The following MCTP1 variants were observed in gnomAD, a reference collection of about 807,000 sequenced individuals.
MCTP1 encodes multiple C2 and transmembrane domain-containing protein 1.
Under a neutral mutation model 120.6 loss-of-function variants are expected in MCTP1, and 69 were observed. The observed-to-expected ratio is 0.57, with a 90% CI of 0.47 to 0.70. The LOEUF is 0.70. Among genes scored for constraint, MCTP1 ranks in the 30% least tolerant of loss-of-function variants. MCTP1 has a pLI of 0.00. For missense variants in MCTP1, 1,203 were observed against 1,248.8 expected (o/e 0.96, Z 0.55); for synonymous variants, 529 against 493.1 (o/e 1.07, Z -0.96).
chr5:94,917,551 T>C (rs926868095), intron 8 of MCTP1, among the ~76,000 whole-genome samples: 2 of 152,204 alleles, frequency 1.3e-5, no homozygotes, highest in Admixed American at 6.5e-5. Context: ...CCCCATGTGA[T>C]TCTCATACAT....
intron 2 of MCTP1, among the ~76,000 whole-genome samples, chr5:94,954,383 A>T (rs1407173711): frequency 6.6e-6 from 1 of 151,718 alleles, no homozygotes; most frequent in Non-Finnish European, 1.5e-5. Context: ...GAATGGAAAA[A>T]TAGACACTGG....
At chr5:94,789,357 G>T (rs1307357371) in intron 18 of MCTP1, 1 of 152,188 alleles carries the variant, frequency 6.6e-6, no homozygotes, top group African/African-American at 2.4e-5. Flanking sequence ...AGAATCTTTA[G>T]TAAATTGACT....
intron 13 of MCTP1, among the ~76,000 whole-genome samples, chr5:94,872,549 C>T (rs927182208): frequency 8.5e-5 from 13 of 152,094 alleles, no homozygotes; most frequent in South Asian, 6.2e-4. Context: ...ATTTCAAAAG[C>T]CCTGTTTAAA....
intron 1 of MCTP1, among the ~76,000 whole-genome samples, chr5:95,138,945 TTCTC>T (rs1759678971): frequency 6.6e-6 from 1 of 152,228 alleles, no homozygotes; most frequent in African/African-American, 2.4e-5. Context: ...TTAGATCTGT[TTCTC>T]TATCTGTATA....
intron 1 of MCTP1, chr5:95,068,956 C>CT (rs11357469): frequency 8.4e-4 from 162 of 193,160 alleles, no homozygotes; most frequent in South Asian, 1.9e-3. Flanking sequence ...GAGCAGGTAT[C>CT]TTTTTTTTTT....
intron 18 of MCTP1, 141 bp downstream of exon 18, chr5:94,798,872 T>G (rs1780614319): frequency 2.7e-6 from 2 of 751,992 alleles, no homozygotes; most frequent in Non-Finnish European, 2.1e-6. Flanking sequence ...GTTGTTAGTT[T>G]TGACCTGATA....
At chr5:94,975,946 G>A (rs1333411453) in intron 2 of MCTP1, among the ~76,000 whole-genome samples, 2 of 152,094 alleles carry the variant, frequency 1.3e-5, no homozygotes, top group African/African-American at 4.8e-5. Flanking sequence ...CAACTCCTGG[G>A]TCATCGAGAA....
At chr5:94,858,323 A>G (rs1561758878) in intron 17 of MCTP1, among the ~76,000 whole-genome samples, 1 of 151,670 alleles carries the variant, frequency 6.6e-6, no homozygotes, top group Non-Finnish European at 1.5e-5. Flanking sequence ...ACATCTCTGC[A>G]GTGTTTTGTG....
At chr5:95,253,844 C>T (rs1757619363) in intron 1 of MCTP1, among the ~76,000 whole-genome samples, 1 of 152,010 alleles carries the variant, frequency 6.6e-6, no homozygotes, top group Non-Finnish European at 1.5e-5. Context: ...ATCCAGTATT[C>T]TAGTAGCAGA....
At position 95,199,410 on chromosome 5, in the gene MCTP1, G is replaced by A. The variant is rs562260107; in HGVS notation, c.720+84446C>T. Among the ~76,000 whole-genome samples, 33 of 152,228 alleles carry A rather than the reference G, an allele frequency of 2.2e-4. No homozygotes were observed. In the East Asian group the frequency reaches 6.2e-3, roughly 28 times the overall value. On this transcript the variant is annotated intron_variant, in intron 1 of 22. Coordinates refer to ENST00000515393, the MANE Select transcript of MCTP1 (RefSeq NM_024717.7). ...AAGAAAACAAACCAATTAAAAAATA[G>A]GCAGAGGATCTGAACAGACATTTCT...
intron 1 of MCTP1, among the ~76,000 whole-genome samples, chr5:95,202,821 G>A (rs1395333081): frequency 6.6e-6 from 1 of 152,036 alleles, no homozygotes; most frequent in East Asian, 1.9e-4. Context: ...ACCGCCTCCT[G>A]GGCTCAAGAG....
chr5:94,945,402 A>C (rs1417850172), intron 3 of MCTP1, among the ~76,000 whole-genome samples: 1 of 152,180 alleles, frequency 6.6e-6, no homozygotes, highest in Non-Finnish European at 1.5e-5. Flanking sequence ...ACAAAATTCA[A>C]CTCAACTGGC....
chr5:94,876,407 A>C (rs1798881484), intron 12 of MCTP1, among the ~76,000 whole-genome samples: 1 of 152,100 alleles, frequency 6.6e-6, no homozygotes, highest in Non-Finnish European at 1.5e-5. Context: ...TATATTCTGC[A>C]AAGTTCCAGA....
intron 22 of MCTP1, among the ~76,000 whole-genome samples, chr5:94,707,898 G>A (rs1227881497): frequency 2.6e-5 from 4 of 151,178 alleles, no homozygotes; most frequent in Non-Finnish European, 5.9e-5. Context: ...GCTTAATACA[G>A]TCTTAATCTC....
intron 1 of MCTP1, among the ~76,000 whole-genome samples, chr5:95,269,663 A>T (rs572451521): frequency 9.2e-5 from 14 of 152,302 alleles, no homozygotes; most frequent in Admixed American, 7.8e-4. Flanking sequence ...TGTATTTAGC[A>T]CTGGCGTGGT....
intron 19 of MCTP1, among the ~76,000 whole-genome samples, chr5:94,748,312 T>C (rs532641084): frequency 6.6e-6 from 1 of 152,330 alleles, no homozygotes; most frequent in South Asian, 2.1e-4. Flanking sequence ...CAGAGCTTGC[T>C]AAAGAGCACA....
intron 12 of MCTP1, among the ~76,000 whole-genome samples, chr5:94,878,225 A>G (rs1799320002): frequency 6.6e-6 from 1 of 152,140 alleles, no homozygotes; most frequent in Admixed American, 6.6e-5. Flanking sequence ...TGTCCACCAG[A>G]ACAGAAAGCA....
In MCTP1 at chr5:94,708,566, A is replaced by G. The variant is rs777911251; in HGVS notation, c.2874T>C (p.Ile958=). Residue 958 remains isoleucine, a synonymous_variant, in exon 22 of 23, where the codon ATT becomes ATC. Transcript: ENST00000515393. ...FTKKLRSPYA[I]DNNELLDFLS... is the part of the protein sequence containing the mutation. ...GGAAGTCAAGTAGTTCATTGTTATC[A>G]ATTGCATATGGACTCCGAAGCTTTT... is the stretch of plus-strand genomic sequence containing the variant. 2 of 1,611,620 alleles carry G rather than the reference A, an allele frequency of 1.2e-6. No homozygotes were observed. The highest frequency in any genetic ancestry group is 8.5e-7 in the Non-Finnish European group (1 of 1,178,292).
chr5:95,205,182 A>G (rs138220124), intron 1 of MCTP1, among the ~76,000 whole-genome samples: 61 of 152,304 alleles, frequency 4.0e-4, no homozygotes, highest in Non-Finnish European at 8.1e-4. Flanking sequence ...CCATGAGTAA[A>G]GCCTAACACT....
Sources: allele counts gnomAD v4.1 joint callset (sites outside exome capture counted in the v4.1 genomes callset), GRCh38; gene constraint gnomAD v4.1.1; transcripts MANE v1.5; gene names NCBI Gene and HGNC (gene_info 2026-07-23, HGNC 2026-07-21).